The following SHANK2 variants were observed in gnomAD, a reference collection of about 807,000 sequenced individuals.
SHANK2 encodes SH3 and multiple ankyrin repeat domains 2.
A neutral mutation model predicts 133.7 loss-of-function variants in SHANK2; 43 were observed. The observed-to-expected ratio is 0.32, with a 90% CI of 0.25 to 0.41. The LOEUF (loss-of-function observed/expected upper bound fraction) is 0.41, where lower values mean the gene tolerates loss of function less well. SHANK2 is among the 10% of genes least tolerant of loss of function. The pLI is 1.00. For missense variants in SHANK2, 1,994 were observed against 2,235.8 expected (o/e 0.89, Z 2.18); for synonymous variants, 1,017 against 952.8 (o/e 1.07, Z -1.24).
chr11:71,214,007 C>T (rs1410691265), intron 2 of SHANK2, among the ~76,000 whole-genome samples: 5 of 152,122 alleles, frequency 3.3e-5, no homozygotes, highest in African/African-American at 9.7e-5. Context: ...CCTGCCCTAA[C>T]GCGCCCCAGG....
At chr11:70,719,747 G>A (rs1257543112) in intron 14 of SHANK2, among the ~76,000 whole-genome samples, 3 of 151,312 alleles carry the variant, frequency 2.0e-5, no homozygotes, top group South Asian at 2.1e-4. Context: ...CAACAGCCCC[G>A]CGCTCCCCTG....
chr11:70,475,395 C>G (rs995354227), intron 25 of SHANK2, among the ~76,000 whole-genome samples: 1 of 152,200 alleles, frequency 6.6e-6, no homozygotes, highest in East Asian at 1.9e-4. Context: ...GGCCCAGAAC[C>G]CTCCAGGAGC....
In SHANK2 at chr11:70,803,946, C is replaced by T. The variant is rs143515334; in HGVS notation, c.1663+3056G>A. Among the ~76,000 whole-genome samples the T allele has an allele frequency of 3.3e-5, 5 of 152,200 alleles. No homozygotes were observed. The East Asian group carries it at 7.8e-4, about 24-fold the overall frequency. ...ATGGTATGCAACTGTCTACTGGGAA[C>T]GTCAACCCCTTCCCAAATGGGACCG... On this transcript the variant is annotated intron_variant, in intron 13 of 25. Transcript: ENST00000601538.
At chr11:70,840,728 G>A (rs77898318) in intron 11 of SHANK2, among the ~76,000 whole-genome samples, 124 of 152,256 alleles carry the variant, frequency 8.1e-4, no homozygotes, top group African/African-American at 2.8e-3. Context: ...AGGGCTGGGG[G>A]GCCATATCGG....
At chr11:71,138,503 G>A (rs1265740986) in intron 3 of SHANK2, among the ~76,000 whole-genome samples, 5 of 152,228 alleles carry the variant, frequency 3.3e-5, no homozygotes, top group African/African-American at 7.2e-5. Flanking sequence ...ATAAGCAGAC[G>A]GGCCAAGGCC....
intron 17 of SHANK2, among the ~76,000 whole-genome samples, chr11:70,644,012 G>T (rs999945747): frequency 6.6e-6 from 1 of 152,150 alleles, no homozygotes; most frequent in Non-Finnish European, 1.5e-5. Flanking sequence ...GGGTTTGTAC[G>T]TGGCGGCGAG....
At position 70,820,656 on chromosome 11, in the gene SHANK2, A is replaced by C. The variant is rs1948499009; in HGVS notation, c.1201T>G (p.Ser401Ala). 1 of 701,942 alleles carries C rather than the reference A, an allele frequency of 1.4e-6. No individual in the cohort carries two copies. Among genetic ancestry groups the C allele is most frequent in the Non-Finnish European group, 2.7e-6 (1 of 377,190 alleles). 43.5% of individuals were successfully genotyped at this position (701,942 alleles called of 1,614,324 possible). A position where few individuals can be genotyped will look rare whatever the true frequency, so the allele number is the denominator to read the frequency against. Residue 401 changes from serine to alanine, a missense_variant, in exon 12 of 26, where the codon TCC becomes GCC. Coordinates refer to ENST00000601538, the MANE Select transcript of SHANK2 (RefSeq NM_012309.5). ...IVPFREAPAY[S>A]NRRRRPPNTL... The stretch of plus-strand genomic sequence containing the variant: ...TTGGGGGGCCGCCGCCGGCGGTTGG[A>C]GTACGCCGGGGCCTCTCGGAAGGGC...
At chr11:71,219,062 C>T (rs1954478605) in intron 2 of SHANK2, among the ~76,000 whole-genome samples, 1 of 152,216 alleles carries the variant, frequency 6.6e-6, no homozygotes, top group East Asian at 1.9e-4. Context: ...ACGAGGACAC[C>T]ATCACGTGCA....
intron 9 of SHANK2, among the ~76,000 whole-genome samples, chr11:71,071,919 G>A (rs1258682222): frequency 1.2e-4 from 18 of 152,188 alleles, no homozygotes; most frequent in African/African-American, 4.3e-4. Flanking sequence ...GCATCCAGCA[G>A]AGTTCCTCCT....
intron 9 of SHANK2, among the ~76,000 whole-genome samples, chr11:71,065,277 A>T (rs1951034391): frequency 6.6e-6 from 1 of 151,102 alleles, no homozygotes; most frequent in Non-Finnish European, 1.5e-5. Context: ...GGAGATAAAC[A>T]GTGAGTGGGG....
intron 17 of SHANK2, among the ~76,000 whole-genome samples, chr11:70,529,662 C>T (rs1163209413): frequency 1.3e-5 from 2 of 152,080 alleles, no homozygotes; most frequent in Non-Finnish European, 2.9e-5. Context: ...TTTTTGTCAC[C>T]CCAGAAGGAA....
intron 9 of SHANK2, among the ~76,000 whole-genome samples, chr11:71,060,911 G>A (rs926613467): frequency 2.6e-5 from 4 of 152,354 alleles, no homozygotes; most frequent in Admixed American, 6.5e-5. Flanking sequence ...CAGTTTTTAC[G>A]CTGAGATTTC....
At chr11:70,784,199 CAG>C (rs1591841081) in intron 14 of SHANK2, among the ~76,000 whole-genome samples, 1 of 150,584 alleles carries the variant, frequency 6.6e-6, no homozygotes, top group Admixed American at 6.6e-5. Context: ...TTTTTTGAGA[CAG>C]AGTCTCGTTC....
chr11:70,572,735 A>T (rs1554983355), intron 17 of SHANK2, among the ~76,000 whole-genome samples: 1 of 152,172 alleles, frequency 6.6e-6, no homozygotes, highest in African/African-American at 2.4e-5. Flanking sequence ...TTCCAAATGA[A>T]AAAGACGGCA....
chr11:70,922,718 AGAT>A (rs1950368621), intron 10 of SHANK2, among the ~76,000 whole-genome samples: 2 of 152,226 alleles, frequency 1.3e-5, no homozygotes, highest in Admixed American at 1.3e-4. Context: ...AGCAAAAGAA[AGAT>A]GATCCCATAA....
At chr11:70,827,643 T>G (rs1293917398) in intron 11 of SHANK2, among the ~76,000 whole-genome samples, 14 of 149,030 alleles carry the variant, frequency 9.4e-5, no homozygotes, top group South Asian at 6.3e-4. Context: ...TGTGTGTTTT[T>G]TTTTTTTTTT....
At chr11:70,518,808 A>G (rs1169413948) in intron 17 of SHANK2, among the ~76,000 whole-genome samples, 1 of 152,238 alleles carries the variant, frequency 6.6e-6, no homozygotes, top group African/African-American at 2.4e-5. Context: ...TGTTTTTAGC[A>G]GCCACTGGTA....
chr11:70,812,174 A>G lies in SHANK2; in HGVS notation c.1494-5003T>C, dbSNP rs1026584226. ...ACTTGACAGAGAAGTCAAAGTGAAC[A>G]CAGCTCCAACCTTGAAGCTCTGTTT... On this transcript the variant is annotated intron_variant, in intron 12 of 25. Coordinates refer to ENST00000601538, the MANE Select transcript of SHANK2 (RefSeq NM_012309.5). Among the ~76,000 whole-genome samples the G allele has an allele frequency of 3.9e-5, 6 of 152,366 alleles. No homozygotes were observed. In the East Asian group the frequency reaches 1.2e-3, roughly 29 times the overall value.
rs988829981 is a variant in SHANK2 at position 70,629,390 on chromosome 11, G to C, written c.2061+30438C>G. 1.7e-3 allele frequency among the ~76,000 whole-genome samples: 253 copies of C among 152,324 alleles called. 3 individuals are homozygous for C. Among genetic ancestry groups the C allele is most frequent in the African/African-American group, 5.8e-3 (241 of 41,560 alleles). On this transcript the variant is annotated intron_variant, in intron 17 of 25. Coordinates refer to ENST00000601538, the MANE Select transcript of SHANK2 (RefSeq NM_012309.5). ...ATTTAACCTAGTGCTTGGTGATGAG[G>C]ACACAGAATAGAGTGTGGCTCTGCT...
Sources: gnomAD v4.1 joint callset for allele counts (sites outside exome capture counted in the v4.1 genomes callset) on GRCh38, gnomAD v4.1.1 for gene constraint, MANE v1.5 for transcripts, NCBI Gene and HGNC (gene_info 2026-07-23, HGNC 2026-07-21) for gene names.